The following ANTKMT variants were observed in gnomAD, a reference collection of about 807,000 sequenced individuals.
ANTKMT encodes adenine nucleotide translocase lysine N-methyltransferase.
ANTKMT carries 24 observed loss-of-function variants against 20.7 expected under a neutral mutation model. The ratio of observed to expected loss-of-function variants is 1.16; its 90% CI spans 0.84 to 1.63. ANTKMT has a LOEUF of 1.63. ANTKMT is among the 40% of genes most tolerant of loss of function. The pLI, the probability that ANTKMT is intolerant of heterozygous loss-of-function variation, is 0.00. For synonymous variants in ANTKMT, 193 were observed against 161.2 expected, an observed-to-expected ratio of 1.20 and a Z score of -1.49; for missense variants, 428 against 334.8, an observed-to-expected ratio of 1.28 and a Z score of -2.17.
chr16:722,417 G>A lies in ANTKMT; in HGVS notation c.568G>A (p.Gly190Ser), dbSNP rs1053908008. The part of the protein sequence containing the change: ...TWQPVTAVGE[G>S]LDRVWAYDVP... The stretch of plus-strand genomic sequence containing the variant: ...GCAGCCTGTGACCGCGGTTGGCGAG[G>A]GCCTGGACCGAGTATGGGCTTATGA... Residue 190 changes from glycine (G) to serine (S), a missense_variant, in exon 5 of 5, where the codon GGC (glycine) becomes AGC (serine). Transcript: ENST00000569529. 6.2e-7 allele frequency: 1 copy of A among 1,606,488 alleles called. No individual in the cohort carries two copies. The highest frequency in any genetic ancestry group is 8.5e-7 in the Non-Finnish European group (1 of 1,176,748).
rs776021784 is a variant in ANTKMT, at chr16:722,427, G to C, written c.578G>C (p.Arg193Pro). ...PVTAVGEGLDRVWAYDVPEGG... is the reference protein window; with the variant it reads ...PVTAVGEGLDPVWAYDVPEGG... ...ACCGCGGTTGGCGAGGGCCTGGACC[G>C]AGTATGGGCTTATGATGTTCCTGAG... The change falls in exon 5 of 5, where the codon CGA (arginine) becomes CCA (proline). Residue 193 changes from arginine to proline, a missense_variant. Arg to Pro is a moderately radical substitution (Grantham distance 103). Transcript: ENST00000569529. The C allele has an allele frequency of 1.9e-6, 3 of 1,608,658 alleles. No homozygotes were observed. Among genetic ancestry groups the C allele is most frequent in the Non-Finnish European group, 2.5e-6 (3 of 1,177,922 alleles).
chr16:722,577 C>T lies in ANTKMT; in HGVS notation c.*20C>T. On this transcript the variant is annotated 3_prime_UTR_variant, in exon 5 of 5. Coordinates refer to ENST00000569529, the MANE Select transcript of ANTKMT (RefSeq NM_023933.3). ...AGCTGAGTATTAGACACGATAAAGA[C>T]TCTGTGGGTTCTATCCTGACTCATG... The T allele has an allele frequency of 6.6e-7, 1 of 1,514,922 alleles. No homozygotes were observed. The highest frequency in any genetic ancestry group is 8.9e-7 in the Non-Finnish European group (1 of 1,123,546). 93.8% of individuals were successfully genotyped at this position (1,514,922 alleles called of 1,614,324 possible).
At position 722,309 on chromosome 16, in the gene ANTKMT, CTCCCGCTGCTGGAGG is replaced by C; in HGVS notation, c.461_475del (p.Leu154_Asp159delinsHis). The stretch of plus-strand genomic sequence containing the variant: ...TCTACTCTGCTGTTCTCTCCCTCAG[CTCCCGCTGCTGGAGG>C]ACAAGCTGCGGACAGAGCTGCCTGC... On this transcript the variant is annotated inframe_deletion and splice_region_variant, in exon 5 of 5. Coordinates refer to ENST00000569529, the MANE Select transcript of ANTKMT (RefSeq NM_023933.3). The C allele has an allele frequency of 3.1e-6, 5 of 1,607,902 alleles. No homozygotes were observed. Among genetic ancestry groups the C allele is most frequent in the Non-Finnish European group, 4.2e-6 (5 of 1,177,882 alleles).
rs1288691296 is a variant in ANTKMT at position 722,382 on chromosome 16, TC to T, written c.537del (p.Thr180ProfsTer5). The T allele has an allele frequency of 6.2e-6, 10 of 1,602,372 alleles. No homozygotes were observed. In the African/African-American group the frequency reaches 1.1e-4, roughly 17 times the overall value. ...CGCGTGGTGTCTGGGCGCTTCCCAC[TC>T]CCCACCTGGCAGCCTGTGACCGCGG... ...GARVVSGRFPLPTWQPVTAVG... is the reference protein window; with the variant it reads ...GARVVSGRFPXPTWQPVTAVG... On this transcript the variant is annotated frameshift_variant, in exon 5 of 5. Transcript: ENST00000569529. LOFTEE classifies it low-confidence loss of function (END_TRUNC).
rs1423572228 is a variant in ANTKMT, at chr16:721,176, G to A, written c.-99G>A. On this transcript the variant is annotated 5_prime_UTR_variant, in exon 1 of 5. Transcript: ENST00000569529. ...CGGTGTCGCGCGGCGGCTCCCGGCAGGAGGCAGAGGGCACACCGCCAGCCC... is the reference window on the plus strand; with the variant it reads ...CGGTGTCGCGCGGCGGCTCCCGGCAAGAGGCAGAGGGCACACCGCCAGCCC... 1.0e-5 allele frequency: 12 copies of A among 1,149,826 alleles called. No individual in the cohort carries two copies. Among genetic ancestry groups the A allele is most frequent in the Non-Finnish European group, 1.2e-5 (11 of 923,384 alleles). The allele number at this position is 1,149,826 out of a possible 1,614,324, so 71.2% of individuals were successfully genotyped here.
intron 1 of ANTKMT, 51 bp downstream of exon 1, chr16:721,487 C>T (rs2040226696): frequency 7.1e-7 from 1 of 1,400,126 alleles, no homozygotes; most frequent in Non-Finnish European, 9.2e-7. Flanking sequence ...CGCTCAGGGT[C>T]TCAAGGTCTG....
Position 721,922 on chromosome 16 carries a change from G to A in ANTKMT, c.389G>A (p.Arg130His), listed in dbSNP as rs377656011. 4.5e-6 allele frequency: 7 copies of A among 1,572,100 alleles called. No individual in the cohort carries two copies. The African/African-American group carries it at 8.0e-5, about 18-fold the overall frequency. Residue 130 changes from arginine to histidine, a missense_variant, in exon 3 of 5, where the codon CGC becomes CAC. Coordinates refer to ENST00000569529, the MANE Select transcript of ANTKMT (RefSeq NM_023933.3). ...RAGCAGSVCY[R>H]RKDLWKVSLR... is the part of the protein sequence containing the mutation. Reference sequence around the variant, plus strand: ...GGCTGTGCCGGCAGCGTCTGCTATCGCCGCAAGGATCTCTGGAAGGTAACC... The same window carrying A: ...GGCTGTGCCGGCAGCGTCTGCTATCACCGCAAGGATCTCTGGAAGGTAACC...
Position 721,255 on chromosome 16 carries a change from G to T in ANTKMT, c.-20G>T. On this transcript the variant is annotated 5_prime_UTR_variant, in exon 1 of 5. Coordinates refer to ENST00000569529, the MANE Select transcript of ANTKMT (RefSeq NM_023933.3). ...GAGCCGGGAAGGACCTTGGGCGGACGAGCCGCGCGTCCCGCAGCCATGGAG... is the reference window on the plus strand; with the variant it reads ...GAGCCGGGAAGGACCTTGGGCGGACTAGCCGCGCGTCCCGCAGCCATGGAG... 7.9e-7 allele frequency: 1 copy of T among 1,264,110 alleles called. No homozygotes were observed. Among genetic ancestry groups the T allele is most frequent in the South Asian group, 2.5e-5 (1 of 40,294 alleles). 78.3% of individuals were successfully genotyped at this position (1,264,110 alleles called of 1,614,324 possible). A position where few individuals can be genotyped will look rare whatever the true frequency, so the allele number is the denominator to read the frequency against.
rs1410916541 is a variant in ANTKMT, at chr16:721,285, A to G, written c.11A>G (p.Asp4Gly). The change falls in exon 1 of 5, where the codon GAC (aspartate) becomes GGC (glycine). Residue 4 changes from aspartate (D) to glycine (G), a missense_variant. Asp to Gly is a moderately conservative substitution (Grantham distance 94). Transcript: ENST00000569529. ...GCGCGTCCCGCAGCCATGGAGCAGGACGACCCGGTCGAGGCGCTGACGGAG... is the reference window on the plus strand; with the variant it reads ...GCGCGTCCCGCAGCCATGGAGCAGGGCGACCCGGTCGAGGCGCTGACGGAG... MEQ[D>G]DPVEALTELR... 7.5e-7 allele frequency: 1 copy of G among 1,330,978 alleles called. No individual in the cohort carries two copies. Among genetic ancestry groups the G allele is most frequent in the Non-Finnish European group, 9.6e-7 (1 of 1,042,218 alleles). 82.4% of individuals were successfully genotyped at this position (1,330,978 alleles called of 1,614,324 possible).
intron 4 of ANTKMT, 43 bp downstream of exon 4, chr16:722,177 ACCC>A (rs2040257450): frequency 7.5e-6 from 12 of 1,596,362 alleles, no homozygotes; most frequent in Non-Finnish European, 1.0e-5. Flanking sequence ...CCCCAGCCAC[ACCC>A]CAGGGTGTTT....
At chr16:721,750 T>C (rs3752555) in intron 2 of ANTKMT, 48 bp downstream of exon 2, 784,736 of 1,534,014 alleles carry the variant, frequency 0.51, 210,339 homozygotes, top group East Asian at 0.81. Flanking sequence ...GCCCACCTGC[T>C]GGCGGGCGCC....
At chr16:722,195 C>T (rs753260731) in intron 4 of ANTKMT, 61 bp downstream of exon 4, 147 of 1,590,282 alleles carry the variant, frequency 9.2e-5, no homozygotes, top group Non-Finnish European at 1.1e-4. Flanking sequence ...GTGTTTGCTG[C>T]TCTGAGGCCT....
chr16:721,731 C>A (rs982910710), intron 2 of ANTKMT, 29 bp downstream of exon 2: 26 of 1,543,182 alleles, frequency 1.7e-5, no homozygotes, highest in Non-Finnish European at 1.8e-5. Flanking sequence ...GTCTTCGCCG[C>A]CCCACACCGC....
rs372746685 is a variant in ANTKMT at position 722,544 on chromosome 16, C to T, written c.695C>T (p.Ser232Phe). 1.9e-6 allele frequency: 3 copies of T among 1,607,484 alleles called. No homozygotes were observed. Among genetic ancestry groups the T allele is most frequent in the Admixed American group, 1.7e-5 (1 of 59,900 alleles). Reference protein sequence around the residue: ...SSAPIPGGLISQAS With the variant: ...SSAPIPGGLIFQAS ...GCCCCCATCCCGGGGGGCCTTATTT[C>T]TCAGGCCAGCTGAGTATTAGACACG... Residue 232 changes from serine to phenylalanine, a missense_variant, in exon 5 of 5, where the codon TCT (serine) becomes TTT (phenylalanine). Ser to Phe is a radical substitution (Grantham distance 155). Transcript: ENST00000569529.
In ANTKMT at chr16:722,076, T is replaced by C; in HGVS notation, c.409-8T>C. The C allele has an allele frequency of 6.2e-6, 10 of 1,603,182 alleles. No individual in the cohort carries two copies. Among genetic ancestry groups the C allele is most frequent in the Non-Finnish European group, 8.5e-6 (10 of 1,177,028 alleles). ...TCTCCCCGGCCGGGGCGACTTCTCT[T>C]CCGGCAGGTGAGCCTGAGGGACTGC... On this transcript the variant is annotated splice_polypyrimidine_tract_variant and splice_region_variant and intron_variant, in intron 3 of 4. Transcript: ENST00000569529.
At position 722,342 on chromosome 16, in the gene ANTKMT, C is replaced by A; in HGVS notation, c.493C>A (p.Leu165Met). The change falls in exon 5 of 5, where the codon CTG (leucine) becomes ATG (methionine). Residue 165 changes from leucine (L) to methionine (M), a missense_variant. Leu to Met is a conservative substitution (Grantham distance 15, BLOSUM62 2). Transcript: ENST00000569529. ...GCTGGAGGACAAGCTGCGGACAGAG[C>A]TGCCTGCTGGGGCCCGCGTGGTGTC... Reference protein sequence around the residue: ...PLLEDKLRTELPAGARVVSGR... With the variant: ...PLLEDKLRTEMPAGARVVSGR... 1.2e-6 allele frequency: 2 copies of A among 1,609,200 alleles called. No individual in the cohort carries two copies. Among genetic ancestry groups the A allele is most frequent in the South Asian group, 1.1e-5 (1 of 90,466 alleles).
At position 722,357 on chromosome 16, in the gene ANTKMT, C is replaced by G. The variant is rs760115100; in HGVS notation, c.508C>G (p.Arg170Gly). The change falls in exon 5 of 5, where the codon CGC becomes GGC. Residue 170 changes from arginine to glycine, a missense_variant. Physicochemically the swap from Arg to Gly is moderately radical, Grantham distance 125. Transcript: ENST00000569529. Reference protein sequence around the residue: ...KLRTELPAGARVVSGRFPLPT... With the variant: ...KLRTELPAGAGVVSGRFPLPT... ...GCGGACAGAGCTGCCTGCTGGGGCC[C>G]GCGTGGTGTCTGGGCGCTTCCCACT... 1 of 1,606,316 alleles carries G rather than the reference C, an allele frequency of 6.2e-7. No homozygotes were observed. Among genetic ancestry groups the G allele is most frequent in the Non-Finnish European group, 8.5e-7 (1 of 1,177,144 alleles).
chr16:721,490 A>G, intron 1 of ANTKMT, 54 bp downstream of exon 1: 1 of 1,400,122 alleles, frequency 7.1e-7, no homozygotes, highest in Non-Finnish European at 9.2e-7. Context: ...TCAGGGTCTC[A>G]AGGTCTGGGC....
Position 721,578 on chromosome 16 carries a change from C to G in ANTKMT, c.163-20C>G. On this transcript the variant is annotated intron_variant, in intron 1 of 4. Transcript: ENST00000569529. ...GCGGGGCGGGAGCGGCCAGTGGACTCTCGCCGCCACCCGGTCCAGGTGCCC... is the reference window on the plus strand; with the variant it reads ...GCGGGGCGGGAGCGGCCAGTGGACTGTCGCCGCCACCCGGTCCAGGTGCCC... 1 of 1,534,196 alleles carries G rather than the reference C, an allele frequency of 6.5e-7. No homozygotes were observed. Among genetic ancestry groups the G allele is most frequent in the Non-Finnish European group, 8.8e-7 (1 of 1,141,790 alleles).
Sources: gnomAD v4.1 joint callset for allele counts on GRCh38, gnomAD v4.1.1 for gene constraint, MANE v1.5 for transcripts, NCBI Gene and HGNC (gene_info 2026-07-23, HGNC 2026-07-21) for gene names.